Variants in AGAP3 observed in about 807,000 individuals in gnomAD.
The protein encoded by AGAP3 is arf-GAP with GTPase, ANK repeat and PH domain-containing protein 3.
AGAP3 carries 24 observed loss-of-function variants against 96.9 expected under a neutral mutation model. The ratio of observed to expected loss-of-function variants is 0.25; its 90% confidence interval spans 0.18 to 0.35. The LOEUF (loss-of-function observed/expected upper bound fraction) is 0.35, where lower values mean the gene tolerates loss of function less well. Ranked by LOEUF, AGAP3 falls within the 10% of genes least tolerant of loss-of-function variation. The pLI, the probability that AGAP3 is intolerant of heterozygous loss-of-function variation, is 1.00. For synonymous variants in AGAP3, 563 were observed against 536.1 expected, an observed-to-expected ratio of 1.05 and a Z score of -0.69; for missense variants, 876 against 1,254.2, an observed-to-expected ratio of 0.70 and a Z score of 4.55.
At position 151,144,431 on chromosome 7, in the gene AGAP3, C is replaced by T. The variant is rs559665296; in HGVS notation, c.*488C>T. 83 of 160,712 alleles carry T rather than the reference C, an allele frequency of 5.2e-4. No individual in the cohort carries two copies. The highest frequency in any genetic ancestry group is 1.8e-3 in the African/African-American group (76 of 41,696). 10.0% of individuals were successfully genotyped at this position (160,712 alleles called of 1,614,324 possible). ...ATGAGCCAATAAACCAGACTGTGTG[C>T]GTGGCCTTGTTTCCCCCTTTTACAT... On this transcript the variant is annotated 3_prime_UTR_variant, in exon 18 of 18. Coordinates refer to ENST00000397238, the MANE Select transcript of AGAP3 (RefSeq NM_031946.7).
rs371363898 is a variant in AGAP3 at position 151,138,296 on chromosome 7, C to A, written c.1649C>A (p.Pro550Gln). 1 of 1,612,062 alleles carries A rather than the reference C, an allele frequency of 6.2e-7. No individual in the cohort carries two copies. The highest frequency in any genetic ancestry group is 8.5e-7 in the Non-Finnish European group (1 of 1,179,330). The change falls in exon 12 of 18, where the codon CCA becomes CAA. Residue 550 changes from proline to glutamine, a missense_variant. Around this residue, in one of 8 missense-constraint regions of AGAP3, gnomAD observed 155 missense variants for 144.4 expected, o/e 1.07. Transcript: ENST00000397238. ...AGTGAGGCCACCACTTCCCTGCCCC[C>A]AGGCATGCAGCACCCTGGTGAGTGG... ...QWSEATTSLP[P>Q]GMQHPASGPA...
intron 7 of AGAP3, 38 bp from the exon 8 acceptor site, chr7:151,119,933 TGCCCGTCCCGCCCCTG>T (rs1369191016): frequency 6.3e-7 from 1 of 1,591,028 alleles, no homozygotes; most frequent in Non-Finnish European, 8.6e-7. Context: ...ACCCGCCTGG[TGCCCGTCCCGCCCCTG>T]ACCCGGAGCT....
At chr7:151,124,139 C>T (rs1800054176) in intron 9 of AGAP3, among the ~76,000 whole-genome samples, 1 of 152,220 alleles carries the variant, frequency 6.6e-6, no homozygotes, top group Admixed American at 6.5e-5. Flanking sequence ...GAGCTACCTG[C>T]CGTGTTCAGC....
At chr7:151,093,213 C>T (rs894171095) in intron 1 of AGAP3, among the ~76,000 whole-genome samples, 1 of 152,206 alleles carries the variant, frequency 6.6e-6, no homozygotes, top group African/African-American at 2.4e-5. Flanking sequence ...GCAGTCCTAG[C>T]TCACTGTAGC....
In AGAP3 at chr7:151,141,914, T is replaced by A; in HGVS notation, c.1821T>A (p.Phe607Leu). Residue 607 changes from phenylalanine to leucine, a missense_variant, in exon 14 of 18, where the codon TTT becomes TTA. Physicochemically the swap from Phe to Leu is conservative, Grantham distance 22 (BLOSUM62 0). Transcript: ENST00000397238. The surrounding 1 kb of genome is among the most constrained non-coding windows in gnomAD (Gnocchi z 4.2). ...SSATEEAEES[F>L]EFVVVSLTGQ... ...CCCCAACAGAGGCAGAGGAGTCGTT[T>A]GAATTTGTGGTGGTGTCCCTCACTG... is the stretch of plus-strand genomic sequence containing the variant. 1 of 1,610,498 alleles carries A rather than the reference T, an allele frequency of 6.2e-7. No homozygotes were observed. The highest frequency in any genetic ancestry group is 2.2e-5 in the East Asian group (1 of 44,624).
chr7:151,095,587 A>T (rs1048457792), intron 1 of AGAP3, among the ~76,000 whole-genome samples: 34 of 148,590 alleles, frequency 2.3e-4, no homozygotes, highest in African/African-American at 8.0e-4. Context: ...TTCTGCTGGG[A>T]TCCCCACCCC....
Position 151,118,070 on chromosome 7 carries a change from C to T in AGAP3, c.707-140C>T, listed in dbSNP as rs1430443220. 6.2e-5 allele frequency: 74 copies of T among 1,197,380 alleles called. No homozygotes were observed. The highest frequency in any genetic ancestry group is 3.5e-6 in the Non-Finnish European group (3 of 862,818). The allele number at this position is 1,197,380 out of a possible 1,614,324, so 74.2% of individuals were successfully genotyped here. A position where few individuals can be genotyped will look rare whatever the true frequency, so the allele number is the denominator to read the frequency against. On this transcript the variant is annotated intron_variant, in intron 5 of 17. Transcript: ENST00000397238. This position sits in a 1 kb window ranked among gnomAD's most constrained non-coding sequence, Gnocchi z 6.1. The stretch of plus-strand genomic sequence containing the variant: ...GGCCATGGAAGGGTTGAAATGAGAC[C>T]CAGGCACCCGCGTTCTTGGTGCTCT...
intron 1 of AGAP3, among the ~76,000 whole-genome samples, chr7:151,097,450 T>G (rs1798650090): frequency 6.7e-6 from 1 of 149,128 alleles, no homozygotes; most frequent in South Asian, 2.1e-4. Flanking sequence ...GAGAATCACT[T>G]GAACCCAGAA....
chr7:151,095,350 C>T (rs1418252250), intron 1 of AGAP3, among the ~76,000 whole-genome samples: 1 of 152,192 alleles, frequency 6.6e-6, no homozygotes, highest in Non-Finnish European at 1.5e-5. Flanking sequence ...ATACCGTAGC[C>T]CCAGATGGCT....
intron 9 of AGAP3, 74 bp from the exon 10 acceptor site, chr7:151,128,506 C>A (rs534005007): frequency 1.5e-6 from 2 of 1,294,606 alleles, no homozygotes; most frequent in East Asian, 2.3e-5. Flanking sequence ...CATTGCCTGA[C>A]GACATCGTGA....
At chr7:151,095,701 CAAAAAAAAAAAAA>C (rs35926416) in intron 1 of AGAP3, among the ~76,000 whole-genome samples, 1 of 83,018 alleles carries the variant, frequency 1.2e-5, no homozygotes, top group South Asian at 5.5e-4. Context: ...CACAGTTGTA[CAAAAAAAAAAAAA>C]AAAAAAAAAA....
At chr7:151,125,936 C>A (rs1052674655) in intron 9 of AGAP3, among the ~76,000 whole-genome samples, 1 of 152,218 alleles carries the variant, frequency 6.6e-6, no homozygotes, top group Non-Finnish European at 1.5e-5. Context: ...CCTGCTCCGC[C>A]GTGCGCAGCC....
At chr7:151,115,041 C>A (rs1799484631) in intron 1 of AGAP3, 1 of 997,372 alleles carries the variant, frequency 1.0e-6, no homozygotes, top group Non-Finnish European at 1.2e-6. Context: ...GGGCCTGGCG[C>A]CCTCGGGACC....
chr7:151,123,440 G>A (rs1800013019), intron 8 of AGAP3: 4 of 1,128,266 alleles, frequency 3.5e-6, no homozygotes, highest in Non-Finnish European at 3.3e-6. Flanking sequence ...TTGCGCTCCC[G>A]GTTGTCGCGC....
intron 1 of AGAP3, among the ~76,000 whole-genome samples, chr7:151,109,928 C>T (rs564193187): frequency 6.6e-6 from 1 of 152,378 alleles, no homozygotes; most frequent in Non-Finnish European, 1.5e-5. Flanking sequence ...GCCCTCCATG[C>T]TCACAGGGCT....
At position 151,112,603 on chromosome 7, in the gene AGAP3, GCTT is replaced by G. The variant is rs1799344146; in HGVS notation, c.332-4186_332-4184del. Among the ~76,000 whole-genome samples, 8 of 151,882 alleles carry G rather than the reference GCTT, an allele frequency of 5.3e-5. No homozygotes were observed. In the South Asian group the frequency reaches 1.2e-3, roughly 24 times the overall value. ...CTCCCATAGCTGCTGTCCTGTGCTT[GCTT>G]CTTATTTATTGAGACAGGGTCTCAC... On this transcript the variant is annotated intron_variant, in intron 1 of 17. Transcript: ENST00000397238.
chr7:151,140,085 C>G lies in AGAP3; in HGVS notation c.1773C>G (p.Pro591=). Residue 591 remains proline, a synonymous_variant, in exon 13 of 18, where the codon CCC becomes CCG. Transcript: ENST00000397238. The surrounding 1 kb of genome is among the most constrained non-coding windows in gnomAD (Gnocchi z 5.4). The part of the protein sequence containing the change: ...KHRRKKSTGT[P]RPDGPSSATE... ...GGAGGAAAAAGAGCACCGGGACCCC[C>G]CGACCAGACGGCCCCAGCAGTGCTA... 1 of 1,604,238 alleles carries G rather than the reference C, an allele frequency of 6.2e-7. No homozygotes were observed. The highest frequency in any genetic ancestry group is 1.1e-5 in the South Asian group (1 of 89,126).
chr7:151,142,359 G>A lies in AGAP3; in HGVS notation c.2051-53G>A, dbSNP rs946588299. The A allele has an allele frequency of 2.1e-5, 34 of 1,598,718 alleles. No individual in the cohort carries two copies. In the African/African-American group the frequency reaches 2.9e-4, roughly 14 times the overall value. The stretch of plus-strand genomic sequence containing the variant: ...CAGGGAAGCCTTCCCTAGTTGTCCC[G>A]CGCTCTGGTGGCCTGCCTGCTGTCG... On this transcript the variant is annotated intron_variant, in intron 15 of 17. Transcript: ENST00000397238. This position sits in a 1 kb window ranked among gnomAD's most constrained non-coding sequence, Gnocchi z 7.5.
At position 151,096,571 on chromosome 7, in the gene AGAP3, C is replaced by T. The variant is rs1306271824; in HGVS notation, c.331+9499C>T. Among the ~76,000 whole-genome samples the T allele has an allele frequency of 2.6e-5, 4 of 151,430 alleles. No homozygotes were observed. Among genetic ancestry groups the T allele is most frequent in the Middle Eastern group, 3.2e-3 (1 of 316 alleles). ...CACTGCAACCTCTGCCTCCCAGGTT[C>T]ACGCCATTCTCCTGCCACAGCCTCC... On this transcript the variant is annotated intron_variant, in intron 1 of 17. Transcript: ENST00000397238. The surrounding 1 kb of genome is among the most constrained non-coding windows in gnomAD (Gnocchi z 4.4).
Sources: allele counts gnomAD v4.1 joint callset (sites outside exome capture counted in the v4.1 genomes callset), GRCh38; gene constraint gnomAD v4.1.1; regional missense constraint gnomAD v4.1.1; non-coding constraint Gnocchi (gnomAD v3.1); transcripts MANE v1.5; gene names NCBI Gene and HGNC (gene_info 2026-07-23, HGNC 2026-07-21).